Variants in TMEM135 observed in about 807,000 individuals in gnomAD.
TMEM135 encodes the protein peroxisomal membrane protein 52.
In TMEM135, 30 loss-of-function variants were observed where a neutral mutation model predicts 60.3. That is an observed-to-expected ratio of 0.50 (90% CI 0.37 to 0.68). The LOEUF (loss-of-function observed/expected upper bound fraction) is 0.68, where lower values mean the gene tolerates loss of function less well. TMEM135 is among the 30% of genes least tolerant of loss of function. TMEM135 has a pLI of 0.00. For synonymous variants in TMEM135, 190 were observed against 186.7 expected, an observed-to-expected ratio of 1.02 and a Z score of -0.14; for missense variants, 468 against 548.8, an observed-to-expected ratio of 0.85 and a Z score of 1.47.
At position 87,314,520 on chromosome 11, in the gene TMEM135, C is replaced by T. The variant is rs138139341; in HGVS notation, c.1050C>T (p.Ser350=). 238 of 1,610,784 alleles carry T rather than the reference C, an allele frequency of 1.5e-4. No individual in the cohort carries two copies. The highest frequency in any genetic ancestry group is 1.2e-3 in the Middle Eastern group (7 of 6,036). ...SMMFYKSTTI[S]MYLASKLVET... ...TGTTTTATAAAAGCACAACAATTTC[C>T]ATGTATTTAGCGTCCAAATTGGTAG... The change falls in exon 12 of 15, where the codon TCC becomes TCT. Residue 350 remains serine, a synonymous_variant. Coordinates refer to ENST00000305494, the MANE Select transcript of TMEM135 (RefSeq NM_022918.4).
chr11:87,253,630 GC>G (rs869266171), intron 6 of TMEM135, among the ~76,000 whole-genome samples: 2 of 133,944 alleles, frequency 1.5e-5, no homozygotes, highest in African/African-American at 2.7e-5. Flanking sequence ...TAAAGGATGA[GC>G]CATATATATA....
intron 10 of TMEM135, among the ~76,000 whole-genome samples, chr11:87,312,681 A>G (rs1380488287): frequency 1.3e-5 from 2 of 152,008 alleles, no homozygotes; most frequent in South Asian, 2.1e-4. Flanking sequence ...TAATTTTCAC[A>G]TCATAAGATG....
intron 4 of TMEM135, among the ~76,000 whole-genome samples, chr11:87,131,766 A>G (rs1243522290): frequency 1.3e-5 from 2 of 152,260 alleles, no homozygotes; most frequent in Admixed American, 6.5e-5. Flanking sequence ...GTCCCCAGCA[A>G]TACTGGTCCG....
At chr11:87,298,145 A>G (rs1405527600) in intron 7 of TMEM135, among the ~76,000 whole-genome samples, 1 of 152,180 alleles carries the variant, frequency 6.6e-6, no homozygotes, top group Non-Finnish European at 1.5e-5. Context: ...TATGCTGTAA[A>G]TTTATAGCAA....
intron 4 of TMEM135, among the ~76,000 whole-genome samples, chr11:87,147,991 T>G (rs534009): frequency 6.6e-6 from 1 of 151,918 alleles, no homozygotes; most frequent in Non-Finnish European, 1.5e-5. Context: ...CTCCTGACCT[T>G]GAGATCTGCC....
intron 6 of TMEM135, among the ~76,000 whole-genome samples, chr11:87,245,472 T>A (rs1364672895): frequency 2.9e-5 from 4 of 137,134 alleles, no homozygotes; most frequent in South Asian, 2.6e-4. Flanking sequence ...CCCATTATTA[T>A]TGTGTGGGAG....
intron 4 of TMEM135, among the ~76,000 whole-genome samples, chr11:87,149,907 T>G (rs1938511871): frequency 6.6e-6 from 1 of 152,162 alleles, no homozygotes; most frequent in Admixed American, 6.5e-5. Context: ...TAATTAAATA[T>G]TTACATGTAG....
At chr11:87,289,691 G>A (rs1320575860) in intron 6 of TMEM135, among the ~76,000 whole-genome samples, 1 of 151,912 alleles carries the variant, frequency 6.6e-6, no homozygotes. Context: ...CCTGACCTCA[G>A]GTAATCCGCC....
intron 1 of TMEM135, among the ~76,000 whole-genome samples, chr11:87,064,776 T>C (rs1237661275): frequency 6.6e-6 from 1 of 152,056 alleles, no homozygotes; most frequent in Non-Finnish European, 1.5e-5. Context: ...CCCTGCTACT[T>C]GGGAGATTGA....
intron 6 of TMEM135, among the ~76,000 whole-genome samples, chr11:87,243,139 G>C (rs1307691334): frequency 1.1e-5 from 1 of 89,248 alleles, no homozygotes; most frequent in East Asian, 2.2e-4. Context: ...TTTTTCTCAG[G>C]TTTGTCAAAG....
chr11:87,281,686 C>T (rs1476145907), intron 6 of TMEM135, among the ~76,000 whole-genome samples: 3 of 152,166 alleles, frequency 2.0e-5, no homozygotes, highest in African/African-American at 7.2e-5. Context: ...TACTTCCCTT[C>T]CCTATTGACA....
intron 3 of TMEM135, among the ~76,000 whole-genome samples, chr11:87,079,381 G>A (rs1856939412): frequency 1.3e-5 from 2 of 152,164 alleles, no homozygotes; most frequent in South Asian, 2.1e-4. Flanking sequence ...AATTTTCGTC[G>A]GTAGTGTGAA....
chr11:87,194,686 G>C (rs1405850285), intron 5 of TMEM135, among the ~76,000 whole-genome samples: 1 of 152,046 alleles, frequency 6.6e-6, no homozygotes, highest in Non-Finnish European at 1.5e-5. Flanking sequence ...GATTCCTGTT[G>C]CTCTTCATAT....
intron 6 of TMEM135, among the ~76,000 whole-genome samples, chr11:87,248,918 T>C (rs530846860): frequency 1.3e-5 from 2 of 152,332 alleles, no homozygotes; most frequent in Admixed American, 1.3e-4. Context: ...ATGTTCATTG[T>C]TGGGATATAG....
chr11:87,131,702 A>C (rs1937936167), intron 4 of TMEM135, among the ~76,000 whole-genome samples: 1 of 152,140 alleles, frequency 6.6e-6, no homozygotes. Flanking sequence ...TCTATGCCTG[A>C]ATTTCCTTAC....
At chr11:87,237,013 T>C (rs143347994) in intron 6 of TMEM135, among the ~76,000 whole-genome samples, 167 of 152,128 alleles carry the variant, frequency 1.1e-3, no homozygotes, top group African/African-American at 3.9e-3. Flanking sequence ...AATACCTAAG[T>C]GTTTTTCACT....
intron 4 of TMEM135, among the ~76,000 whole-genome samples, chr11:87,127,721 G>A (rs1417234878): frequency 6.6e-6 from 1 of 152,214 alleles, no homozygotes; most frequent in East Asian, 1.9e-4. Flanking sequence ...TGTTGATTAA[G>A]TGGTGAAGTA....
chr11:87,175,898 GA>G (rs1939354743), intron 5 of TMEM135, among the ~76,000 whole-genome samples: 1 of 151,610 alleles, frequency 6.6e-6, no homozygotes, highest in Non-Finnish European at 1.5e-5. Flanking sequence ...CATACCAAAA[GA>G]ATTTTGCATA....
chr11:87,105,094 A>G (rs1256544586), intron 4 of TMEM135, among the ~76,000 whole-genome samples: 1 of 152,108 alleles, frequency 6.6e-6, no homozygotes, highest in Non-Finnish European at 1.5e-5. Flanking sequence ...ACATTCCTCT[A>G]TACCTAATTT....
Sources: allele counts gnomAD v4.1 joint callset (sites outside exome capture counted in the v4.1 genomes callset), GRCh38; gene constraint gnomAD v4.1.1; transcripts MANE v1.5; gene names NCBI Gene and HGNC (gene_info 2026-07-23, HGNC 2026-07-21).